Variants in NCKAP5 observed in about 807,000 individuals in gnomAD.
The protein encoded by NCKAP5 is NCK associated protein 5, also known as nck-associated protein 5.
A neutral mutation model predicts 167.0 loss-of-function variants in NCKAP5; 92 were observed. The observed-to-expected ratio is 0.55, with a 90% CI of 0.47 to 0.66. The LOEUF (loss-of-function observed/expected upper bound fraction) is 0.66. Among genes scored for constraint, NCKAP5 ranks in the 30% least tolerant of loss-of-function variants. The probability of loss-of-function intolerance (pLI) is 0.00; values close to 1 mark genes in which losing one functional copy is unlikely to be tolerated. For synonymous variants in NCKAP5, 891 were observed against 877.4 expected, an observed-to-expected ratio of 1.02 and a Z score of -0.27; for missense variants, 2,378 against 2,315.0, an observed-to-expected ratio of 1.03 and a Z score of -0.56.
At chr2:133,175,573 A>G (rs1415810794) in intron 5 of NCKAP5, among the ~76,000 whole-genome samples, 4 of 152,198 alleles carry the variant, frequency 2.6e-5, no homozygotes, top group African/African-American at 9.7e-5. Flanking sequence ...GGGTTATCCA[A>G]AACTTTCTGA....
chr2:133,390,370 T>C (rs1168289746), intron 3 of NCKAP5, among the ~76,000 whole-genome samples: 1 of 152,214 alleles, frequency 6.6e-6, no homozygotes, highest in East Asian at 1.9e-4. Flanking sequence ...GGCTATTATG[T>C]GCATACCAGG....
chr2:132,836,763 T>C (rs1330720169), intron 11 of NCKAP5, among the ~76,000 whole-genome samples: 1 of 152,152 alleles, frequency 6.6e-6, no homozygotes, highest in Admixed American at 6.6e-5. Context: ...AAGCTTATTT[T>C]CCACCCCCTA....
intron 8 of NCKAP5, among the ~76,000 whole-genome samples, chr2:132,943,041 T>C (rs1458884577): frequency 2.0e-5 from 3 of 152,206 alleles, no homozygotes; most frequent in Admixed American, 6.5e-5. Flanking sequence ...ATAATTCCAA[T>C]CCACTTCATT....
the NCKAP5 span, among the ~76,000 whole-genome samples, chr2:133,617,102 GC>G: frequency 6.6e-6 from 1 of 151,976 alleles, no homozygotes; most frequent in Non-Finnish European, 1.5e-5. Flanking sequence ...AAATTCAACA[GC>G]CCTTCATGCT....
At chr2:133,443,102 T>C (rs1237895625) in intron 3 of NCKAP5, among the ~76,000 whole-genome samples, 1 of 152,240 alleles carries the variant, frequency 6.6e-6, no homozygotes, top group Non-Finnish European at 1.5e-5. Context: ...AACCTAAAAC[T>C]AGTCCAGGAT....
At chr2:133,408,566 T>C (rs1340567888) in intron 3 of NCKAP5, among the ~76,000 whole-genome samples, 2 of 152,190 alleles carry the variant, frequency 1.3e-5, no homozygotes, top group African/African-American at 4.8e-5. Flanking sequence ...TGCTGGTGAC[T>C]TGGGGACACA....
At chr2:132,825,092 T>G (rs1687030860) in intron 11 of NCKAP5, among the ~76,000 whole-genome samples, 1 of 152,188 alleles carries the variant, frequency 6.6e-6, no homozygotes, top group Non-Finnish European at 1.5e-5. Context: ...AACATAGATC[T>G]CAGTGGGACA....
chr2:132,736,720 G>A (rs542096627), intron 16 of NCKAP5, among the ~76,000 whole-genome samples: 6 of 152,298 alleles, frequency 3.9e-5, no homozygotes, highest in Non-Finnish European at 8.8e-5. Flanking sequence ...CTGGGAGGTG[G>A]AGGTGGCAGT....
intron 3 of NCKAP5, among the ~76,000 whole-genome samples, chr2:133,468,431 G>C (rs543283179): frequency 1.6e-4 from 24 of 150,324 alleles, no homozygotes; most frequent in African/African-American, 3.4e-4. Flanking sequence ...TTACTTCCAA[G>C]TATGTGGTCA....
Position 133,332,501 on chromosome 2 carries a change from C to A in NCKAP5, c.70-29391G>T, listed in dbSNP as rs137934417. Among the ~76,000 whole-genome samples the A allele has an allele frequency of 7.3e-3, 1,117 of 152,242 alleles. 16 individuals carry two copies. The highest frequency in any genetic ancestry group is 0.024 in the African/African-American group (984 of 41,554). On this transcript the variant is annotated intron_variant, in intron 3 of 19. Transcript: ENST00000409261. ...ATCTCAGGGGTGCATTTTCTATCTACCTGTTTACACAGAAAATGAGTTTTT... is the reference window on the plus strand; with the variant it reads ...ATCTCAGGGGTGCATTTTCTATCTAACTGTTTACACAGAAAATGAGTTTTT...
chr2:133,637,025 T>A, the NCKAP5 span, among the ~76,000 whole-genome samples: 2 of 151,462 alleles, frequency 1.3e-5, no homozygotes, highest in East Asian at 2.0e-4. Context: ...ATGGGATTTT[T>A]AAAAATATTT....
At chr2:133,406,771 C>T (rs1688464422) in intron 3 of NCKAP5, among the ~76,000 whole-genome samples, 1 of 152,198 alleles carries the variant, frequency 6.6e-6, no homozygotes, top group African/African-American at 2.4e-5. Flanking sequence ...CAGACACTGT[C>T]TATACTGTCC....
At chr2:132,803,952 G>T (rs1685233136) in intron 11 of NCKAP5, among the ~76,000 whole-genome samples, 1 of 152,126 alleles carries the variant, frequency 6.6e-6, no homozygotes, top group African/African-American at 2.4e-5. Context: ...AGCTAGAGAT[G>T]GTGGAGGCCA....
intron 11 of NCKAP5, among the ~76,000 whole-genome samples, chr2:132,829,113 A>G (rs1687338573): frequency 6.6e-6 from 1 of 152,244 alleles, no homozygotes; most frequent in African/African-American, 2.4e-5. Flanking sequence ...CATCAGATGA[A>G]GAAAATGTCA....
the NCKAP5 span, among the ~76,000 whole-genome samples, chr2:133,649,494 C>A: frequency 1.3e-5 from 2 of 151,674 alleles, no homozygotes; most frequent in Non-Finnish European, 2.9e-5. Flanking sequence ...AACAAAATAC[C>A]AGCAAACCAA....
intron 3 of NCKAP5, among the ~76,000 whole-genome samples, chr2:133,499,362 G>A (rs941042270): frequency 6.6e-6 from 1 of 152,168 alleles, no homozygotes; most frequent in Non-Finnish European, 1.5e-5. Context: ...AAGTCTTTCT[G>A]TCTCAGTCAT....
chr2:133,359,007 T>C (rs1684920674), intron 3 of NCKAP5, among the ~76,000 whole-genome samples: 1 of 152,264 alleles, frequency 6.6e-6, no homozygotes, highest in Admixed American at 6.5e-5. Flanking sequence ...GCAAGTTTTA[T>C]ACATTCATAA....
chr2:133,002,556 T>C (rs1436057020), intron 6 of NCKAP5, among the ~76,000 whole-genome samples: 2 of 152,174 alleles, frequency 1.3e-5, no homozygotes, highest in Admixed American at 6.5e-5. Context: ...ACAACTGTTA[T>C]TTACCTGTTG....
At chr2:133,420,875 GC>G (rs1370753106) in intron 3 of NCKAP5, among the ~76,000 whole-genome samples, 1 of 152,096 alleles carries the variant, frequency 6.6e-6, no homozygotes, top group Admixed American at 6.5e-5. Context: ...AGCCTGCCTC[GC>G]CCCACTGCTG....
Sources: gnomAD v4.1 joint callset for allele counts (sites outside exome capture counted in the v4.1 genomes callset) on GRCh38, gnomAD v4.1.1 for gene constraint, MANE v1.5 for transcripts, NCBI Gene and HGNC (gene_info 2026-07-23, HGNC 2026-07-21) for gene names.